Variants in MYO3B observed in about 807,000 individuals in gnomAD.
MYO3B encodes the protein myosin IIIB.
Under a neutral mutation model 174.6 loss-of-function variants are expected in MYO3B, and 156 were observed. The observed-to-expected ratio is 0.89, with a 90% CI of 0.78 to 1.02. The LOEUF is 1.02. Ranked by LOEUF, MYO3B falls within the 50% of genes least tolerant of loss-of-function variation. The pLI is 0.00. For missense variants in MYO3B, 1,632 were observed against 1,639.4 expected, an observed-to-expected ratio of 1.00 and a Z score of 0.08; for synonymous variants, 563 against 569.1, an observed-to-expected ratio of 0.99 and a Z score of 0.15.
chr2:170,492,370 C>T (rs909034621), intron 25 of MYO3B, among the ~76,000 whole-genome samples: 18 of 152,346 alleles, frequency 1.2e-4, no homozygotes, highest in Admixed American at 2.0e-4. Context: ...CTTTAGCTCT[C>T]TCCTAGTTTT....
At chr2:170,580,756 G>GTGTATGAAAGCGTAAATAGTA (rs1693093106) in intron 32 of MYO3B, among the ~76,000 whole-genome samples, 1 of 151,200 alleles carries the variant, frequency 6.6e-6, no homozygotes, top group Non-Finnish European at 1.5e-5. Context: ...GTGTGTGTGT[G>GTGTATGAAAGCGTAAATAGTA]TGTATGAAAG....
chr2:170,302,617 G>A (rs1378426387), intron 7 of MYO3B, among the ~76,000 whole-genome samples: 1 of 152,194 alleles, frequency 6.6e-6, no homozygotes, highest in African/African-American at 2.4e-5. Flanking sequence ...GTTTATTCCA[G>A]TTCGTTCCAG....
intron 16 of MYO3B, among the ~76,000 whole-genome samples, chr2:170,394,910 TTAAG>T (rs2094435274): frequency 6.6e-6 from 1 of 152,248 alleles, no homozygotes; most frequent in South Asian, 2.1e-4. Flanking sequence ...GAACTTTCTC[TTAAG>T]TTTTTCTGGC....
At chr2:170,345,014 A>G (rs1454166826) in intron 8 of MYO3B, 1 of 152,308 alleles carries the variant, frequency 6.6e-6, no homozygotes. Context: ...GTCTTTGCCT[A>G]AGAGCTGTGG....
intron 7 of MYO3B, among the ~76,000 whole-genome samples, chr2:170,275,699 G>C (rs2093459674): frequency 6.6e-6 from 1 of 152,016 alleles, no homozygotes; most frequent in Non-Finnish European, 1.5e-5. Flanking sequence ...ATAGTTTTAT[G>C]CTTTGCAGAA....
intron 7 of MYO3B, among the ~76,000 whole-genome samples, chr2:170,301,130 G>T (rs2093662713): frequency 1.3e-5 from 2 of 152,182 alleles, no homozygotes; most frequent in African/African-American, 4.8e-5. Flanking sequence ...TTCTTTGAAT[G>T]TTACACCATT....
At chr2:170,209,254 C>T (rs976359339) in intron 3 of MYO3B, among the ~76,000 whole-genome samples, 3 of 152,150 alleles carry the variant, frequency 2.0e-5, no homozygotes, top group Non-Finnish European at 2.9e-5. Flanking sequence ...CAACTAGTTT[C>T]CAAATTCTGG....
At chr2:170,521,237 A>G (rs879563893) in intron 30 of MYO3B, among the ~76,000 whole-genome samples, 4 of 152,216 alleles carry the variant, frequency 2.6e-5, no homozygotes, top group Admixed American at 6.5e-5. Context: ...ACTTTAGACT[A>G]CTTGCTTAAA....
chr2:170,467,465 T>C (rs921134963), intron 25 of MYO3B, among the ~76,000 whole-genome samples: 1 of 151,996 alleles, frequency 6.6e-6, no homozygotes, highest in Non-Finnish European at 1.5e-5. Flanking sequence ...ACGACTGCCA[T>C]AGAGATTATG....
intron 8 of MYO3B, among the ~76,000 whole-genome samples, chr2:170,356,073 GCCT>G (rs2094118026): frequency 6.6e-6 from 1 of 151,912 alleles, no homozygotes; most frequent in South Asian, 2.1e-4. Flanking sequence ...CCATTCTCCT[GCCT>G]CAGCCTCCCA....
chr2:170,547,534 G>A (rs912414296), intron 32 of MYO3B, among the ~76,000 whole-genome samples: 1 of 152,014 alleles, frequency 6.6e-6, no homozygotes, highest in Non-Finnish European at 1.5e-5. Context: ...TATACTTTAG[G>A]CATTTGTTCT....
intron 8 of MYO3B, among the ~76,000 whole-genome samples, chr2:170,354,481 G>A (rs966973677): frequency 1.5e-4 from 23 of 152,154 alleles, no homozygotes; most frequent in African/African-American, 5.3e-4. Context: ...ATACCAGGGC[G>A]GGGAAACAGC....
chr2:170,356,271 G>A lies in MYO3B; in HGVS notation c.816-12951G>A, dbSNP rs531323232. 6.6e-5 allele frequency among the ~76,000 whole-genome samples: 10 copies of A among 150,976 alleles called. 1 individual carries two copies. Among genetic ancestry groups the A allele is most frequent in the South Asian group, 4.2e-4 (2 of 4,738 alleles). Reference sequence around the variant, plus strand: ...CCACCGCGCCTGGCCAACAGGCTTCGGTTTACATTGAAGAGTGTCATAAGA... The same window carrying A: ...CCACCGCGCCTGGCCAACAGGCTTCAGTTTACATTGAAGAGTGTCATAAGA... On this transcript the variant is annotated intron_variant, in intron 8 of 34. Coordinates refer to ENST00000408978, the MANE Select transcript of MYO3B (RefSeq NM_138995.5).
rs1696271408 is a variant in MYO3B at position 170,624,942 on chromosome 2, T to C, written c.3734-26686T>C. The stretch of plus-strand genomic sequence containing the variant: ...CACTTGATCATGGTGGATAAGCTTT[T>C]TGATGTGCTGCTGGATTCGGTTTGC... On this transcript the variant is annotated intron_variant, in intron 32 of 34. Coordinates refer to ENST00000408978, the MANE Select transcript of MYO3B (RefSeq NM_138995.5). 2.0e-5 allele frequency among the ~76,000 whole-genome samples: 3 copies of C among 152,340 alleles called. No homozygotes were observed. The South Asian group carries it at 6.2e-4, about 32-fold the overall frequency.
At chr2:170,423,265 G>A (rs923093639) in intron 22 of MYO3B, among the ~76,000 whole-genome samples, 23 of 152,254 alleles carry the variant, frequency 1.5e-4, no homozygotes, top group Admixed American at 1.2e-3. Context: ...TTACAGGTGT[G>A]AGCCACCGTG....
Position 170,589,699 on chromosome 2 carries a change from A to G in MYO3B, c.3733+45711A>G, listed in dbSNP as rs546024088. On this transcript the variant is annotated intron_variant, in intron 32 of 34. Coordinates refer to ENST00000408978, the MANE Select transcript of MYO3B (RefSeq NM_138995.5). ...AACATTTAGAAAATTTAAGTTTATA[A>G]GGTTAAAAAGTTACAGTAAGCTAAG... Among the ~76,000 whole-genome samples the G allele has an allele frequency of 5.3e-5, 8 of 152,354 alleles. No individual in the cohort carries two copies. The South Asian group carries it at 1.7e-3, about 32-fold the overall frequency.
At chr2:170,532,582 G>A (rs1017361523) in intron 30 of MYO3B, among the ~76,000 whole-genome samples, 1 of 152,106 alleles carries the variant, frequency 6.6e-6, no homozygotes, top group Non-Finnish European at 1.5e-5. Flanking sequence ...GGAGGCCAAG[G>A]TGGGCGGATC....
chr2:170,319,757 G>T (rs114141052), intron 7 of MYO3B, among the ~76,000 whole-genome samples: 4,459 of 152,092 alleles, frequency 0.029, 133 homozygotes, highest in Middle Eastern at 0.061. Flanking sequence ...AAGATGAAGA[G>T]AAAATCTTGA....
intron 32 of MYO3B, among the ~76,000 whole-genome samples, chr2:170,626,334 T>C (rs1696427859): frequency 6.6e-6 from 1 of 152,202 alleles, no homozygotes; most frequent in East Asian, 1.9e-4. Flanking sequence ...CTTTTGATCT[T>C]TGTTGGTTTA....
Sources: allele counts gnomAD v4.1 joint callset (sites outside exome capture counted in the v4.1 genomes callset), GRCh38; gene constraint gnomAD v4.1.1; transcripts MANE v1.5; gene names NCBI Gene and HGNC (gene_info 2026-07-23, HGNC 2026-07-21).